Variants in SMIM31 observed in about 807,000 individuals in gnomAD.
The protein encoded by SMIM31 is small integral membrane protein 31.
intron 1 of SMIM31, among the ~76,000 whole-genome samples, chr4:164,769,210 C>T (rs1175588306): frequency 6.6e-6 from 1 of 152,128 alleles, no homozygotes; most frequent in Non-Finnish European, 1.5e-5. Context: ...CATTCTCTTC[C>T]TTCATTCTCT....
At chr4:164,780,849 T>C (rs1732940444) in intron 2 of SMIM31, among the ~76,000 whole-genome samples, 1 of 152,186 alleles carries the variant, frequency 6.6e-6, no homozygotes, top group Admixed American at 6.5e-5. Context: ...ACTTGCTGTG[T>C]CACCCAGGCT....
intron 2 of SMIM31, among the ~76,000 whole-genome samples, chr4:164,791,891 C>T (rs1170244408): frequency 6.6e-6 from 1 of 152,100 alleles, no homozygotes; most frequent in Non-Finnish European, 1.5e-5. Context: ...GTTTATACCA[C>T]TTCGTATGCC....
At chr4:164,769,560 A>T (rs1560825560) in intron 1 of SMIM31, among the ~76,000 whole-genome samples, 1 of 129,148 alleles carries the variant, frequency 7.7e-6, no homozygotes, top group African/African-American at 2.9e-5. Context: ...ACACATGGAC[A>T]CAGGAAGGGG....
chr4:164,769,295 T>C (rs1732761573), intron 1 of SMIM31, among the ~76,000 whole-genome samples: 1 of 152,154 alleles, frequency 6.6e-6, no homozygotes, highest in Non-Finnish European at 1.5e-5. Context: ...GGACCTTATA[T>C]TCATCTTCTA....
intron 2 of SMIM31, among the ~76,000 whole-genome samples, chr4:164,797,465 CT>C (rs70952643): frequency 4.0e-4 from 53 of 131,326 alleles, no homozygotes; most frequent in African/African-American, 6.4e-4. Flanking sequence ...GATTTCTTTT[CT>C]TTTTTTTTTT....
In SMIM31 at chr4:164,803,431, T is replaced by A. The variant is rs181870963; in HGVS notation, c.*2237T>A. ...AGACCCTATCTCAAAAAATAAAAAA[T>A]TTTAAAAACCTGTCAAGTTAGATGT... On this transcript the variant is annotated 3_prime_UTR_variant, in exon 3 of 3. Coordinates refer to ENST00000507311, the MANE Select transcript of SMIM31 (RefSeq NM_001352885.1). 4 of 151,940 alleles carry A rather than the reference T, an allele frequency of 2.6e-5. No individual in the cohort carries two copies. The highest frequency in any genetic ancestry group is 7.2e-5 in the African/African-American group (3 of 41,422). 9.4% of individuals were successfully genotyped at this position (151,940 alleles called of 1,614,324 possible).
At chr4:164,770,619 C>T in intron 2 of SMIM31, 64 bp downstream of exon 2, 1 of 398,364 alleles carries the variant, frequency 2.5e-6, no homozygotes. Context: ...TGCCTATCAT[C>T]TTGCCATGTG....
At chr4:164,771,892 A>T (rs917688284) in intron 2 of SMIM31, among the ~76,000 whole-genome samples, 2 of 152,218 alleles carry the variant, frequency 1.3e-5, no homozygotes. Flanking sequence ...AAAATTGATT[A>T]AAATGAAATT....
At chr4:164,778,957 A>T (rs1242577089) in intron 2 of SMIM31, among the ~76,000 whole-genome samples, 3 of 151,860 alleles carry the variant, frequency 2.0e-5, no homozygotes, top group African/African-American at 7.3e-5. Flanking sequence ...CCTGGAAAAA[A>T]TGTAAAATAA....
chr4:164,787,555 A>G (rs1377096671), intron 2 of SMIM31, among the ~76,000 whole-genome samples: 2 of 47,310 alleles, frequency 4.2e-5, no homozygotes, highest in African/African-American at 1.5e-4. Context: ...TTTTTTTTTT[A>G]AAGCTAAAAC....
At chr4:164,761,626 A>G (rs1258208196) in intron 1 of SMIM31, among the ~76,000 whole-genome samples, 4 of 152,078 alleles carry the variant, frequency 2.6e-5, no homozygotes, top group Non-Finnish European at 5.9e-5. Flanking sequence ...ACTCAGTTTA[A>G]TAAGGTCTCT....
intron 2 of SMIM31, among the ~76,000 whole-genome samples, chr4:164,786,090 AC>A (rs1232381603): frequency 3.3e-5 from 5 of 152,282 alleles, no homozygotes; most frequent in Admixed American, 6.5e-5. Context: ...AAATATTATA[AC>A]CCTAAGGAAA....
At chr4:164,780,379 A>G (rs538637636) in intron 2 of SMIM31, among the ~76,000 whole-genome samples, 1 of 152,366 alleles carries the variant, frequency 6.6e-6, no homozygotes, top group African/African-American at 2.4e-5. Flanking sequence ...GTGAGCCGAG[A>G]TTGCGCCACT....
intron 1 of SMIM31, among the ~76,000 whole-genome samples, chr4:164,766,615 G>A (rs1462445892): frequency 6.6e-6 from 1 of 151,900 alleles, no homozygotes; most frequent in African/African-American, 2.4e-5. Flanking sequence ...TGGCCAACAT[G>A]GTGAAACCCC....
chr4:164,769,529 G>A (rs1469672525), intron 1 of SMIM31, among the ~76,000 whole-genome samples: 1 of 148,616 alleles, frequency 6.7e-6, no homozygotes, highest in Admixed American at 6.8e-5. Flanking sequence ...CTCACCCATA[G>A]GTGGGAATTG....
chr4:164,774,508 A>G (rs144718890), intron 2 of SMIM31, among the ~76,000 whole-genome samples: 38 of 152,340 alleles, frequency 2.5e-4, no homozygotes, highest in Non-Finnish European at 3.8e-4. Flanking sequence ...AGTGAAAGAC[A>G]TCTCAGAAAA....
chr4:164,769,474 C>T (rs1164465701), intron 1 of SMIM31, among the ~76,000 whole-genome samples: 1 of 151,446 alleles, frequency 6.6e-6, no homozygotes, highest in Non-Finnish European at 1.5e-5. Flanking sequence ...AACCATCATT[C>T]TCAGCAAACT....
chr4:164,779,150 C>T (rs549286807), intron 2 of SMIM31, among the ~76,000 whole-genome samples: 1 of 152,256 alleles, frequency 6.6e-6, no homozygotes, highest in East Asian at 1.9e-4. Context: ...GTATGTATGC[C>T]TAAAACACTG....
At chr4:164,790,773 T>G (rs183557501) in intron 2 of SMIM31, among the ~76,000 whole-genome samples, 85 of 152,312 alleles carry the variant, frequency 5.6e-4, no homozygotes, top group African/African-American at 1.9e-3. Context: ...CCTCTAGATT[T>G]TCTGGTGAAA....
Sources: allele counts gnomAD v4.1 joint callset (sites outside exome capture counted in the v4.1 genomes callset), GRCh38; gene constraint gnomAD v4.1.1; transcripts MANE v1.5; gene names NCBI Gene and HGNC (gene_info 2026-07-23, HGNC 2026-07-21).